The following ITPR1 variants were observed in gnomAD, a reference collection of about 807,000 sequenced individuals.
ITPR1 encodes inositol 1,4,5-trisphosphate-gated calcium channel ITPR1.
A neutral mutation model predicts 318.4 loss-of-function variants in ITPR1; 96 were observed. The observed-to-expected ratio is 0.30, with a 90% confidence interval of 0.26 to 0.36. The LOEUF is 0.36. ITPR1 is among the 10% of genes least tolerant of loss of function. ITPR1 has a pLI of 1.00. For missense variants in ITPR1, 2,440 were observed against 3,460.2 expected (o/e 0.71, Z 7.40); for synonymous variants, 1,312 against 1,289.9 (o/e 1.02, Z -0.37).
At chr3:4,553,147 T>G (rs984025381) in intron 4 of ITPR1, among the ~76,000 whole-genome samples, 12 of 152,074 alleles carry the variant, frequency 7.9e-5, no homozygotes, top group African/African-American at 2.9e-4. Flanking sequence ...TTTATTGTGG[T>G]GGGAGGTGAT....
intron 4 of ITPR1, among the ~76,000 whole-genome samples, chr3:4,556,911 T>C (rs2086186072): frequency 6.6e-6 from 1 of 152,206 alleles, no homozygotes; most frequent in African/African-American, 2.4e-5. Context: ...GATAATATTA[T>C]CAGTGACTAG....
intron 2 of ITPR1, among the ~76,000 whole-genome samples, chr3:4,503,704 A>G (rs1453901184): frequency 6.6e-6 from 1 of 152,078 alleles, no homozygotes; most frequent in Admixed American, 6.5e-5. Flanking sequence ...ACACACACGC[A>G]ACGGAGACCT....
intron 2 of ITPR1, among the ~76,000 whole-genome samples, chr3:4,512,682 T>C (rs964759614): frequency 6.6e-6 from 1 of 152,100 alleles, no homozygotes; most frequent in African/African-American, 2.4e-5. Flanking sequence ...AAAATAAAAA[T>C]AACTAGCATA....
At chr3:4,800,648 G>C (rs1310851477) in intron 54 of ITPR1, 48 bp downstream of exon 54, 2 of 1,570,560 alleles carry the variant, frequency 1.3e-6, no homozygotes, top group South Asian at 1.1e-5. Flanking sequence ...CAGATTAATA[G>C]GAATGCCTTG....
chr3:4,773,886 G>A lies in ITPR1; in HGVS notation c.5980-1356G>A, dbSNP rs887389601. Among the ~76,000 whole-genome samples, 55 of 152,354 alleles carry A rather than the reference G, an allele frequency of 3.6e-4. 1 individual carries two copies. The highest frequency in any genetic ancestry group is 1.3e-3 in the African/African-American group (52 of 41,578). On this transcript the variant is annotated intron_variant, in intron 46 of 61. Coordinates refer to ENST00000649015, the MANE Select transcript of ITPR1 (RefSeq NM_001378452.1). ...AAAGGGATTTGGGTTAAGTTGTAGT[G>A]GGGAGAAAGGAGGTGGTTAGTTTGG...
intron 56 of ITPR1, 29 bp downstream of exon 56, chr3:4,811,489 A>C (rs775217865): frequency 1.3e-6 from 2 of 1,539,854 alleles, no homozygotes; most frequent in Non-Finnish European, 1.8e-6. Context: ...GATCTTTTTA[A>C]TGCTAAAAGA....
Position 4,779,415 on chromosome 3 carries a change from C to T in ITPR1, c.6292-135C>T. On this transcript the variant is annotated intron_variant, in intron 48 of 61. Transcript: ENST00000649015. The surrounding 1 kb of genome is among the most constrained non-coding windows in gnomAD (Gnocchi z 4.0). ...TGCAGATGGATTTTGATGTCCTTAA[C>T]CCAGAGCTTCCTCATGGGGTGAAAT... 1.5e-6 allele frequency: 1 copy of T among 646,302 alleles called. No homozygotes were observed. The highest frequency in any genetic ancestry group is 2.9e-6 in the Non-Finnish European group (1 of 344,912). 40.0% of individuals were successfully genotyped at this position (646,302 alleles called of 1,614,324 possible). A position where few individuals can be genotyped will look rare whatever the true frequency, so the allele number is the denominator to read the frequency against.
At chr3:4,518,091 G>T (rs1268237864) in intron 3 of ITPR1, among the ~76,000 whole-genome samples, 1 of 152,190 alleles carries the variant, frequency 6.6e-6, no homozygotes, top group Non-Finnish European at 1.5e-5. Flanking sequence ...TCCAAGGCTA[G>T]GGCTGCCAGC....
chr3:4,612,557 A>G (rs1166992424), intron 4 of ITPR1, among the ~76,000 whole-genome samples: 1 of 151,908 alleles, frequency 6.6e-6, no homozygotes, highest in Non-Finnish European at 1.5e-5. Context: ...TACATGTCAG[A>G]CATCATCTCA....
intron 2 of ITPR1, among the ~76,000 whole-genome samples, chr3:4,497,062 T>G (rs982475298): frequency 4.0e-3 from 9 of 2,270 alleles, no homozygotes; most frequent in Non-Finnish European, 0.01. Flanking sequence ...CCATGCAGTT[T>G]TTTTTTTTTC....
chr3:4,748,158 G>T (rs1490987763), intron 44 of ITPR1, among the ~76,000 whole-genome samples: 2 of 152,180 alleles, frequency 1.3e-5, no homozygotes, highest in Non-Finnish European at 2.9e-5. Context: ...CTTACCCAAA[G>T]TCACCCAGTT....
chr3:4,691,519 AG>A (rs530205301), intron 32 of ITPR1, among the ~76,000 whole-genome samples, 175 bp downstream of exon 32: 255 of 152,338 alleles, frequency 1.7e-3, no homozygotes, highest in Non-Finnish European at 3.1e-3. Context: ...TTGTAGATAT[AG>A]GCAAGAATCT....
At chr3:4,590,594 A>G (rs887885319) in intron 4 of ITPR1, among the ~76,000 whole-genome samples, 2 of 151,374 alleles carry the variant, frequency 1.3e-5, no homozygotes, top group Admixed American at 6.6e-5. Context: ...AATTATTATT[A>G]TTACAGACTG....
intron 4 of ITPR1, among the ~76,000 whole-genome samples, chr3:4,610,090 A>C (rs1559531408): frequency 6.6e-6 from 1 of 152,168 alleles, no homozygotes; most frequent in Non-Finnish European, 1.5e-5. Context: ...TGCTGGCTGG[A>C]ATGCAACAGA....
chr3:4,697,098 C>A, intron 33 of ITPR1, 49 bp from the exon 34 acceptor site: 1 of 1,593,168 alleles, frequency 6.3e-7, no homozygotes, highest in Non-Finnish European at 8.6e-7. Flanking sequence ...CTAATGAGTT[C>A]CATACACACC....
chr3:4,811,143 C>A lies in ITPR1; in HGVS notation c.7273-122C>A, dbSNP rs1302435815. ...CAGGGAAGATGTTCAGTGTTAAGAT[C>A]ATATGTAGTGCTTTTGAGTGTCTAA... is the stretch of plus-strand genomic sequence containing the variant. On this transcript the variant is annotated intron_variant, in intron 55 of 61. Coordinates refer to ENST00000649015, the MANE Select transcript of ITPR1 (RefSeq NM_001378452.1). The A allele has an allele frequency of 2.1e-5, 12 of 565,200 alleles. No homozygotes were observed. The East Asian group carries it at 3.6e-4, about 17-fold the overall frequency. The allele number at this position is 565,200 out of a possible 1,614,324, so 35.0% of individuals were successfully genotyped here.
rs764986889 is a variant in ITPR1, at chr3:4,846,268, A to G, written c.*43A>G. The G allele has an allele frequency of 7.5e-7, 1 of 1,339,826 alleles. No homozygotes were observed. The highest frequency in any genetic ancestry group is 1.0e-6 in the Non-Finnish European group (1 of 955,776). 83.0% of individuals were successfully genotyped at this position (1,339,826 alleles called of 1,614,324 possible). ...ATTGTATTTACCTTTTATAATTATT[A>G]TTAGTGTGGGTATGGCTAATGAGTT... On this transcript the variant is annotated 3_prime_UTR_variant, in exon 62 of 62. Transcript: ENST00000649015.
At position 4,627,855 on chromosome 3, in the gene ITPR1, G is replaced by T. The variant is rs767787371; in HGVS notation, c.256G>T (p.Ala86Ser). The change falls in exon 5 of 62, where the codon GCA becomes TCA. Residue 86 changes from alanine (A) to serine (S), a missense_variant. This residue lies in a region of ITPR1 where 186 missense variants were observed against 323.9 expected (regional missense o/e 0.57). Transcript: ENST00000649015. The stretch of plus-strand genomic sequence containing the variant: ...GCCTGGGGCCAACAGCACCACAGAC[G>T]CAGTGCTACTCAACAAACTGCACGT... ...AKPGANSTTD[A>S]VLLNKLHHAA... The T allele has an allele frequency of 6.2e-7, 1 of 1,612,896 alleles. No individual in the cohort carries two copies. Among genetic ancestry groups the T allele is most frequent in the South Asian group, 1.1e-5 (1 of 90,984 alleles).
chr3:4,768,162 G>A (rs1471588213), intron 45 of ITPR1: 2 of 208,092 alleles, frequency 9.6e-6, no homozygotes, highest in African/African-American at 2.3e-5. Flanking sequence ...AGCTTCTTAA[G>A]AACTTTCTTG....
Sources: allele counts gnomAD v4.1 joint callset (sites outside exome capture counted in the v4.1 genomes callset), GRCh38; gene constraint gnomAD v4.1.1; regional missense constraint gnomAD v4.1.1; non-coding constraint Gnocchi (gnomAD v3.1); transcripts MANE v1.5; gene names NCBI Gene and HGNC (gene_info 2026-07-23, HGNC 2026-07-21).